JPH3: variants seen among roughly 807,000 people sequenced by gnomAD.
JPH3 encodes junctophilin-3.
A neutral mutation model predicts 59.6 loss-of-function variants in JPH3; 11 were observed. The observed-to-expected ratio is 0.18, with a 90% confidence interval of 0.12 to 0.31. The LOEUF is 0.31. Ranked by LOEUF, JPH3 falls within the 10% of genes least tolerant of loss-of-function variation. JPH3 has a pLI of 1.00. For missense variants in JPH3, 1,202 were observed against 1,105.7 expected (o/e 1.09, Z -1.24); for synonymous variants, 673 against 483.6 (o/e 1.39, Z -5.14).
At chr16:87,623,617 G>C (rs1284512464) in intron 1 of JPH3, among the ~76,000 whole-genome samples, 1 of 152,182 alleles carries the variant, frequency 6.6e-6, no homozygotes, top group Admixed American at 6.5e-5. Context: ...AACCCCTTGG[G>C]AGCTGCAGAC....
chr16:87,614,029 A>G (rs2030839947), intron 1 of JPH3, among the ~76,000 whole-genome samples: 2 of 152,144 alleles, frequency 1.3e-5, no homozygotes, highest in Non-Finnish European at 2.9e-5. Context: ...AGATGAGGAA[A>G]CTGAGGCCCA....
intron 2 of JPH3, among the ~76,000 whole-genome samples, chr16:87,649,060 A>C (rs889833340): frequency 6.6e-6 from 1 of 152,170 alleles, no homozygotes; most frequent in Admixed American, 6.5e-5. Flanking sequence ...AGGGTGTGGC[A>C]GTGGAGACGA....
intron 3 of JPH3, among the ~76,000 whole-genome samples, chr16:87,687,527 G>A (rs1462186067): frequency 4.6e-5 from 7 of 152,322 alleles, no homozygotes; most frequent in Middle Eastern, 3.4e-3. Context: ...CTGGCCATGC[G>A]GTGTCCAGTG....
intron 2 of JPH3, among the ~76,000 whole-genome samples, chr16:87,668,712 C>G (rs2032938800): frequency 6.6e-6 from 1 of 152,194 alleles, no homozygotes; most frequent in South Asian, 2.1e-4. Context: ...CTGTCAGTCT[C>G]TAAATGGGGC....
intron 3 of JPH3, among the ~76,000 whole-genome samples, chr16:87,684,638 C>T (rs991406194): frequency 6.6e-6 from 1 of 152,206 alleles, no homozygotes; most frequent in Non-Finnish European, 1.5e-5. Context: ...CTGCTGGGTC[C>T]AGCGTGGCAG....
intron 2 of JPH3, among the ~76,000 whole-genome samples, chr16:87,645,378 G>A (rs961287177): frequency 6.6e-6 from 1 of 152,250 alleles, no homozygotes; most frequent in African/African-American, 2.4e-5. Flanking sequence ...ATGCATTGGA[G>A]TGCTGCTGTG....
intron 2 of JPH3, among the ~76,000 whole-genome samples, chr16:87,655,560 A>G (rs1450884334): frequency 6.6e-6 from 1 of 152,042 alleles, no homozygotes; most frequent in Non-Finnish European, 1.5e-5. Context: ...CACTGTGTTG[A>G]CCAGGCTGGT....
chr16:87,629,625 G>C (rs536718347), intron 1 of JPH3, among the ~76,000 whole-genome samples: 6 of 139,548 alleles, frequency 4.3e-5, no homozygotes, highest in African/African-American at 1.6e-4. Flanking sequence ...ACTAGATGGC[G>C]TTCTGGAAGA....
Position 87,644,703 on chromosome 16 carries a change from C to G in JPH3, c.828C>G (p.Ile276Met), listed in dbSNP as rs571536520. The G allele has an allele frequency of 3.7e-6, 6 of 1,612,244 alleles. No homozygotes were observed. Among genetic ancestry groups the G allele is most frequent in the Middle Eastern group, 1.6e-4 (1 of 6,062 alleles). The change falls in exon 2 of 5, where the codon ATC becomes ATG. Residue 276 changes from isoleucine to methionine, a missense_variant. Transcript: ENST00000284262. ...AGGCTGAGGCCGAGCTGGCGGTCAT[C>G]GAGGACGACATCGACGCCACCACCA... ...LGEAEAELAVIEDDIDATTTE... is the reference protein window; with the variant it reads ...LGEAEAELAVMEDDIDATTTE...
rs71156237 is a variant in JPH3, at chr16:87,604,287, CCTGCTGCTGCTGCTGCTG to C, written c.382+784_382+801del. The C allele has an allele frequency of 1.2e-3, 1,686 of 1,432,806 alleles. 11 individuals are homozygous for C. In the African/African-American group the frequency reaches 0.019, roughly 16 times the overall value. 88.8% of individuals were successfully genotyped at this position (1,432,806 alleles called of 1,614,324 possible). On this transcript the variant is annotated intron_variant, in intron 1 of 4. Transcript: ENST00000284262. ...GCCGGGGCCGGAAGCCAGGGAGCTG[CCTGCTGCTGCTGCTGCTG>C]CTGCTGCTGCTGCTGCTGCTGCTGT... is the stretch of plus-strand genomic sequence containing the variant.
chr16:87,605,094 C>T (rs1350671605), intron 1 of JPH3: 5 of 362,102 alleles, frequency 1.4e-5, no homozygotes, highest in Non-Finnish European at 2.9e-5. Context: ...AGCCCAGGGG[C>T]TGCTATCACC....
intron 3 of JPH3, 155 bp downstream of exon 3, chr16:87,684,421 G>C: frequency 1.6e-6 from 2 of 1,242,388 alleles, no homozygotes; most frequent in Middle Eastern, 2.7e-4. Context: ...CCCGCCGAAG[G>C]TGCTTGTTTG....
chr16:87,690,245 C>T lies in JPH3; in HGVS notation c.1885C>T (p.Arg629Cys). The T allele has an allele frequency of 1.9e-6, 3 of 1,604,836 alleles. No homozygotes were observed. The highest frequency in any genetic ancestry group is 1.3e-5 in the African/African-American group (1 of 74,864). The change falls in exon 4 of 5, where the codon CGC (arginine) becomes TGC (cysteine). Residue 629 changes from arginine to cysteine, a missense_variant. Transcript: ENST00000284262. ...GATGGAGACGCATCCCCAGAAAAGA[C>T]GCTACAGCAAGGGCGGCGCCTGCCG... The part of the protein sequence containing the change: ...LRMETHPQKR[R>C]YSKGGACRGL...
chr16:87,644,932 C>T lies in JPH3; in HGVS notation c.1057C>T (p.Pro353Ser), dbSNP rs747743618. ...LVGGKRKNLI[P>S]LRASKIREKV... ...CGGCGGCAAGCGCAAGAACCTCATC[C>T]CCCTGCGGGCCAGCAAGATCCGCGA... The change falls in exon 2 of 5, where the codon CCC becomes TCC. Residue 353 changes from proline to serine, a missense_variant. Physicochemically the swap from Pro to Ser is moderately conservative, Grantham distance 74 (BLOSUM62 -1). Transcript: ENST00000284262. 7 of 1,612,378 alleles carry T rather than the reference C, an allele frequency of 4.3e-6. No individual in the cohort carries two copies. Among genetic ancestry groups the T allele is most frequent in the Admixed American group, 3.3e-5 (2 of 59,994 alleles).
Position 87,623,859 on chromosome 16 carries a change from C to A in JPH3, c.382+20331C>A, listed in dbSNP as rs531037973. Among the ~76,000 whole-genome samples, 33 of 152,362 alleles carry A rather than the reference C, an allele frequency of 2.2e-4. 1 individual carries two copies. Among genetic ancestry groups the A allele is most frequent in the African/African-American group, 7.5e-4 (31 of 41,592 alleles). On this transcript the variant is annotated intron_variant, in intron 1 of 4. Transcript: ENST00000284262. The stretch of plus-strand genomic sequence containing the variant: ...GACCACATGCCCAGCTGTGGGGTCC[C>A]CCGAGGCCGCAGAGCAAGCTTTCTG...
rs777652946 is a variant in JPH3, at chr16:87,645,021, G to T, written c.1146G>T (p.Glu382Asp). The T allele has an allele frequency of 6.9e-6, 11 of 1,603,030 alleles. No individual in the cohort carries two copies. The Admixed American group carries it at 1.8e-4, about 27-fold the overall frequency. Residue 382 changes from glutamate (E) to aspartate (D), a missense_variant, in exon 2 of 5, where the codon GAG becomes GAT. Physicochemically the swap from Glu to Asp is conservative, Grantham distance 45. Coordinates refer to ENST00000284262, the MANE Select transcript of JPH3 (RefSeq NM_020655.4). ...RAATIAKQKA[E>D]IAASRTSHSR... ...CCACCATCGCCAAGCAGAAGGCTGA[G>T]ATCGCGGCTTCCAGGTAGGAGGGCG...
At chr16:87,668,001 C>G (rs1365341576) in intron 2 of JPH3, among the ~76,000 whole-genome samples, 1 of 152,196 alleles carries the variant, frequency 6.6e-6, no homozygotes, top group African/African-American at 2.4e-5. Context: ...TGAACAGGCT[C>G]TGTGGCTTCA....
At chr16:87,644,212 C>T (rs1426232950) in intron 1 of JPH3, 46 bp from the exon 2 acceptor site, 5 of 1,549,536 alleles carry the variant, frequency 3.2e-6, no homozygotes, top group Admixed American at 1.8e-5. Context: ...GGCTGTGCCC[C>T]CTCCTCTGTC....
chr16:87,627,868 C>G (rs1489965045), intron 1 of JPH3, among the ~76,000 whole-genome samples: 1 of 152,210 alleles, frequency 6.6e-6, no homozygotes, highest in South Asian at 2.1e-4. Context: ...ACAGCATCAG[C>G]CAGGCACCCT....
Sources: allele counts gnomAD v4.1 joint callset (sites outside exome capture counted in the v4.1 genomes callset), GRCh38; gene constraint gnomAD v4.1.1; transcripts MANE v1.5; gene names NCBI Gene and HGNC (gene_info 2026-07-23, HGNC 2026-07-21).